TBX20: variants seen among roughly 807,000 people sequenced by gnomAD.
The protein encoded by TBX20 is T-box transcription factor 20, also known as T-box transcription factor TBX20.
Under a neutral mutation model 42.9 loss-of-function variants are expected in TBX20, and 8 were observed. That is an observed-to-expected ratio of 0.19 (90% CI 0.11 to 0.34). TBX20 has a LOEUF of 0.34. Ranked by LOEUF, TBX20 falls within the 10% of genes least tolerant of loss-of-function variation. The pLI, the probability that TBX20 is intolerant of heterozygous loss-of-function variation, is 1.00. For synonymous variants in TBX20, 198 were observed against 222.8 expected (o/e 0.89, Z 0.99); for missense variants, 411 against 566.0 (o/e 0.73, Z 2.78).
intron 3 of TBX20, among the ~76,000 whole-genome samples, chr7:35,247,308 A>T (rs1003635910): frequency 6.6e-6 from 1 of 152,078 alleles, no homozygotes; most frequent in Admixed American, 6.5e-5. Flanking sequence ...AGTAAATAGA[A>T]GAGAACACTA....
At chr7:35,244,211 A>G (rs1244637303) in intron 4 of TBX20, among the ~76,000 whole-genome samples, 1 of 152,190 alleles carries the variant, frequency 6.6e-6, no homozygotes, top group Non-Finnish European at 1.5e-5. Context: ...TAACAGCATG[A>G]AGTAACATCC....
At chr7:35,246,290 T>C (rs1790184291) in intron 3 of TBX20, among the ~76,000 whole-genome samples, 1 of 152,040 alleles carries the variant, frequency 6.6e-6, no homozygotes, top group African/African-American at 2.4e-5. Context: ...AATTCCACTG[T>C]TTTTAGGAGG....
chr7:35,242,064 T>C (rs1336623829), intron 4 of TBX20, among the ~76,000 whole-genome samples: 10 of 134,988 alleles, frequency 7.4e-5, no homozygotes, highest in African/African-American at 2.1e-4. Context: ...ATAAACAGCC[T>C]GGCAGGAGCA....
Position 35,250,121 on chromosome 7 carries a change from G to T in TBX20, c.210C>A (p.Gly70=). 6 of 1,613,788 alleles carry T rather than the reference G, an allele frequency of 3.7e-6. No homozygotes were observed. The highest frequency in any genetic ancestry group is 5.1e-6 in the Non-Finnish European group (6 of 1,179,902). Residue 70 remains glycine (G), a synonymous_variant, in exon 2 of 8, where the codon GGC becomes GGA. Coordinates refer to ENST00000408931, the MANE Select transcript of TBX20 (RefSeq NM_001077653.2). ...AGGAGGAGGACGGGCTGCTGCCACTGCCTCCACCAAACTCCCCATGAGCAT... is the reference window on the plus strand; with the variant it reads ...AGGAGGAGGACGGGCTGCTGCCACTTCCTCCACCAAACTCCCCATGAGCAT... The part of the protein sequence containing the change: ...SLDAHGEFGG[G]SGSSPSSSSL...
At chr7:35,252,321 A>ATTTAGATTTGGCAGG (rs1790319960) in intron 1 of TBX20, among the ~76,000 whole-genome samples, 2 of 151,490 alleles carry the variant, frequency 1.3e-5, no homozygotes, top group African/African-American at 4.9e-5. Flanking sequence ...GCAGGTTTAG[A>ATTTAGATTTGGCAGG]TTTAGATGGG....
At chr7:35,242,897 C>T (rs1187422684) in intron 4 of TBX20, among the ~76,000 whole-genome samples, 1 of 152,178 alleles carries the variant, frequency 6.6e-6, no homozygotes, top group East Asian at 1.9e-4. Context: ...AAGAAGCTAG[C>T]TTAACAACAC....
At chr7:35,237,713 CA>C (rs1258411045) in intron 5 of TBX20, among the ~76,000 whole-genome samples, 1 of 151,888 alleles carries the variant, frequency 6.6e-6, no homozygotes, top group Admixed American at 6.6e-5. Context: ...AATAAAAAAT[CA>C]AGTAGAAAAA....
At chr7:35,206,756 C>T (rs2128710011) in intron 6 of TBX20, among the ~76,000 whole-genome samples, 1 of 152,296 alleles carries the variant, frequency 6.6e-6, no homozygotes, top group South Asian at 2.1e-4. Flanking sequence ...GATTAGTCTG[C>T]ATTTTCTAAA....
chr7:35,206,304 T>C (rs1789399337), intron 6 of TBX20, among the ~76,000 whole-genome samples: 1 of 152,230 alleles, frequency 6.6e-6, no homozygotes, highest in African/African-American at 2.4e-5. Flanking sequence ...TCCCAGCACT[T>C]GGGGAGGCCC....
At chr7:35,223,170 GT>G (rs1789712397) in intron 6 of TBX20, among the ~76,000 whole-genome samples, 4 of 152,180 alleles carry the variant, frequency 2.6e-5, no homozygotes, top group African/African-American at 9.7e-5. Flanking sequence ...ATGACTACAA[GT>G]TTTTCGGCCA....
chr7:35,240,907 G>A lies in TBX20; in HGVS notation c.785C>T (p.Thr262Met), dbSNP rs747369702. The change falls in exon 5 of 8, where the codon ACG (threonine) becomes ATG (methionine). Residue 262 changes from threonine (T) to methionine (M), a missense_variant. Around this residue, in one of 5 missense-constraint regions of TBX20, gnomAD observed 121 missense variants for 165.9 expected, o/e 0.73. Transcript: ENST00000408931. Reference protein sequence around the residue: ...RTFIFPETVFTAVTAYQNQLI... With the variant: ...RTFIFPETVFMAVTAYQNQLI... ...TTGATTCTGGTAGGCAGTGACTGCC[G>A]TAAAAACTGTTTCTGGAAAGATGAA... 71 of 1,613,706 alleles carry A rather than the reference G, an allele frequency of 4.4e-5. No individual in the cohort carries two copies. The highest frequency in any genetic ancestry group is 2.9e-4 in the East Asian group (13 of 44,890).
chr7:35,239,308 G>A, intron 5 of TBX20, among the ~76,000 whole-genome samples: 1 of 152,058 alleles, frequency 6.6e-6, no homozygotes, highest in East Asian at 1.9e-4. Context: ...CCGGGACTCT[G>A]AGCCATCTAC....
In TBX20 at chr7:35,249,470, C is replaced by T. The variant is rs947626043; in HGVS notation, c.380+481G>A. On this transcript the variant is annotated intron_variant, in intron 2 of 7. Coordinates refer to ENST00000408931, the MANE Select transcript of TBX20 (RefSeq NM_001077653.2). The surrounding 1 kb of genome is among the most constrained non-coding windows in gnomAD (Gnocchi z 4.3). ...TGCTCCTTCCTACAGGGAATTTTAT[C>T]GTTTCAAATTTCATTCTTCCGCCCA... 2.0e-5 allele frequency among the ~76,000 whole-genome samples: 3 copies of T among 152,198 alleles called. No homozygotes were observed. The highest frequency in any genetic ancestry group is 4.8e-5 in the African/African-American group (2 of 41,444).
At position 35,250,087 on chromosome 7, in the gene TBX20, T is replaced by C. The variant is rs1790274812; in HGVS notation, c.244A>G (p.Thr82Ala). 1 of 1,613,888 alleles carries C rather than the reference T, an allele frequency of 6.2e-7. No individual in the cohort carries two copies. The highest frequency in any genetic ancestry group is 8.5e-7 in the Non-Finnish European group (1 of 1,179,936). Residue 82 changes from threonine (T) to alanine (A), a missense_variant, in exon 2 of 8, where the codon ACT (threonine) becomes GCT (alanine). By Grantham distance (58) the Thr-to-Ala change is moderately conservative. This residue lies in a region of TBX20 where 114 missense variants were observed against 128.0 expected (regional missense o/e 0.89). Coordinates refer to ENST00000408931, the MANE Select transcript of TBX20 (RefSeq NM_001077653.2). ...GGGGTGGTGGGGATCAGTGGCTCAG[T>C]GCACAGAGAGGAGGAGGACGGGCTG... ...GSSPSSSSLC[T>A]EPLIPTTPII... is the part of the protein sequence containing the mutation.
In TBX20 at chr7:35,253,878, G is replaced by T. The variant is rs1220578950; in HGVS notation, c.-258C>A. 2.0e-6 allele frequency: 1 copy of T among 494,976 alleles called. No individual in the cohort carries two copies. The highest frequency in any genetic ancestry group is 3.6e-6 in the Non-Finnish European group (1 of 277,160). The allele number at this position is 494,976 out of a possible 1,614,324, so 30.7% of individuals were successfully genotyped here. A position where few individuals can be genotyped will look rare whatever the true frequency, so the allele number is the denominator to read the frequency against. On this transcript the variant is annotated 5_prime_UTR_variant, in exon 1 of 8. Coordinates refer to ENST00000408931, the MANE Select transcript of TBX20 (RefSeq NM_001077653.2). ...GCCCACCGAGCACTACGGCGGGTGC[G>T]CACGCCCCGGGGCGCTCGGCAGGAC...
In TBX20 at chr7:35,204,597, C is replaced by T. The variant is rs767590594; in HGVS notation, c.891-15G>A. The T allele has an allele frequency of 5.1e-6, 8 of 1,583,992 alleles. No individual in the cohort carries two copies. The South Asian group carries it at 6.7e-5, about 13-fold the overall frequency. On this transcript the variant is annotated splice_polypyrimidine_tract_variant and intron_variant, in intron 6 of 7. Transcript: ENST00000408931. ...CCACACTTTCCCTAGGTTAGAGTGA[C>T]ATATCACAGGTTAAGTAAAATGTAA...
intron 6 of TBX20, among the ~76,000 whole-genome samples, chr7:35,213,628 A>G (rs1789533250): frequency 6.6e-6 from 1 of 152,156 alleles, no homozygotes; most frequent in African/African-American, 2.4e-5. Flanking sequence ...TGATTTATCA[A>G]TGTAATTTAT....
Position 35,253,484 on chromosome 7 carries a change from C to T in TBX20, c.127+10G>A. 1 of 1,608,000 alleles carries T rather than the reference C, an allele frequency of 6.2e-7. No homozygotes were observed. The highest frequency in any genetic ancestry group is 8.5e-7 in the Non-Finnish European group (1 of 1,177,704). ...CAGTCCTCGGCGGACAGCCGGGTAG[C>T]CCAACTTACCCAGGGGTTTGATTGT... On this transcript the variant is annotated intron_variant, in intron 1 of 7. Transcript: ENST00000408931.
intron 4 of TBX20, 97 bp downstream of exon 4, chr7:35,244,852 G>A: frequency 1.2e-6 from 1 of 827,860 alleles, no homozygotes; most frequent in Non-Finnish European, 2.1e-6. Context: ...GTGGGAAGGG[G>A]ATAGGGAAGG....
Sources: gnomAD v4.1 joint callset for allele counts (sites outside exome capture counted in the v4.1 genomes callset) on GRCh38, gnomAD v4.1.1 for gene constraint, gnomAD v4.1.1 regional missense constraint, Gnocchi (gnomAD v3.1) non-coding constraint, MANE v1.5 for transcripts, NCBI Gene and HGNC (gene_info 2026-07-23, HGNC 2026-07-21) for gene names.